CSMD1: variants seen among roughly 807,000 people sequenced by gnomAD.
CSMD1 encodes CUB and Sushi multiple domains 1.
CSMD1 carries 213 observed loss-of-function variants against 417.5 expected under a neutral mutation model. The observed-to-expected ratio is 0.51, with a 90% confidence interval of 0.46 to 0.57. The LOEUF is 0.57. Ranked by LOEUF, CSMD1 falls within the 20% of genes least tolerant of loss-of-function variation. The pLI, the probability that CSMD1 is intolerant of heterozygous loss-of-function variation, is 0.00. For missense variants in CSMD1, 6,923 were observed against 4,529.7 expected (o/e 1.53, Z -15.17); for synonymous variants, 2,862 against 1,736.8 (o/e 1.65, Z -16.11).
At chr8:3,483,884 A>G (rs909418330) in intron 11 of CSMD1, among the ~76,000 whole-genome samples, 1 of 152,220 alleles carries the variant, frequency 6.6e-6, no homozygotes, top group Non-Finnish European at 1.5e-5. Context: ...GGCTAAAGAA[A>G]GAACATGATA....
At chr8:4,180,903 T>G (rs1798334228) in intron 3 of CSMD1, among the ~76,000 whole-genome samples, 1 of 152,170 alleles carries the variant, frequency 6.6e-6, no homozygotes, top group African/African-American at 2.4e-5. Flanking sequence ...TTGGTATATT[T>G]ATTTCTAAAT....
At chr8:3,375,711 C>A (rs536370432) in intron 18 of CSMD1, among the ~76,000 whole-genome samples, 2 of 152,024 alleles carry the variant, frequency 1.3e-5, no homozygotes, top group Non-Finnish European at 2.9e-5. Flanking sequence ...GATGACCAGC[C>A]CCCATCTCAC....
chr8:3,267,361 C>G (rs938921398), intron 26 of CSMD1, among the ~76,000 whole-genome samples: 1 of 152,188 alleles, frequency 6.6e-6, no homozygotes, highest in African/African-American at 2.4e-5. Flanking sequence ...GGTGTTGATG[C>G]ATTGGAAGAT....
chr8:3,359,837 G>C (rs1262636595), intron 20 of CSMD1, among the ~76,000 whole-genome samples: 1 of 152,152 alleles, frequency 6.6e-6, no homozygotes, highest in African/African-American at 2.4e-5. Context: ...TTCTACTCAT[G>C]TATCAAAATA....
At chr8:3,317,978 T>C (rs1279293474) in intron 23 of CSMD1, among the ~76,000 whole-genome samples, 1 of 152,152 alleles carries the variant, frequency 6.6e-6, no homozygotes, top group Non-Finnish European at 1.5e-5. Flanking sequence ...GCCCAGCTAA[T>C]ATTTGTATCT....
intron 1 of CSMD1, among the ~76,000 whole-genome samples, chr8:4,834,236 G>A (rs1016062631): frequency 6.6e-6 from 1 of 152,162 alleles, no homozygotes; most frequent in Non-Finnish European, 1.5e-5. Flanking sequence ...GGAGAGGGAA[G>A]AAAAATATGT....
At chr8:3,640,670 T>C (rs972357275) in intron 7 of CSMD1, among the ~76,000 whole-genome samples, 1 of 152,204 alleles carries the variant, frequency 6.6e-6, no homozygotes, top group Non-Finnish European at 1.5e-5. Flanking sequence ...GTCGCTACAA[T>C]GTTTGATAAG....
At chr8:4,053,819 A>G (rs1194928809) in intron 3 of CSMD1, among the ~76,000 whole-genome samples, 1 of 152,172 alleles carries the variant, frequency 6.6e-6, no homozygotes, top group Non-Finnish European at 1.5e-5. Flanking sequence ...AAGCTTTACA[A>G]AAATGTTCAG....
intron 1 of CSMD1, among the ~76,000 whole-genome samples, chr8:4,895,088 C>A (rs1188731551): frequency 6.6e-6 from 1 of 152,116 alleles, no homozygotes; most frequent in Non-Finnish European, 1.5e-5. Flanking sequence ...AAATATGTTT[C>A]ACTCTCAGGA....
intron 2 of CSMD1, among the ~76,000 whole-genome samples, chr8:4,452,842 G>C (rs748905678): frequency 6.6e-6 from 1 of 152,014 alleles, no homozygotes; most frequent in Non-Finnish European, 1.5e-5. Flanking sequence ...AAAAACTAAA[G>C]GCAAAATGAG....
At chr8:4,378,537 T>G (rs1322126522) in intron 3 of CSMD1, among the ~76,000 whole-genome samples, 1 of 152,226 alleles carries the variant, frequency 6.6e-6, no homozygotes, top group Non-Finnish European at 1.5e-5. Flanking sequence ...GAAGTCACCG[T>G]GTGACCATTC....
intron 3 of CSMD1, among the ~76,000 whole-genome samples, chr8:4,176,181 G>C (rs924856562): frequency 2.6e-5 from 4 of 152,002 alleles, no homozygotes; most frequent in Non-Finnish European, 4.4e-5. Flanking sequence ...CAGAAGCCCT[G>C]CAGAACCACA....
intron 3 of CSMD1, among the ~76,000 whole-genome samples, chr8:4,305,363 G>C (rs565121100): frequency 5.3e-5 from 8 of 152,246 alleles, no homozygotes; most frequent in South Asian, 2.1e-4. Flanking sequence ...TGGAATCTAA[G>C]GGGCTTGCAG....
intron 3 of CSMD1, among the ~76,000 whole-genome samples, chr8:4,361,309 T>G (rs1006145454): frequency 3.9e-5 from 6 of 152,176 alleles, no homozygotes; most frequent in African/African-American, 9.7e-5. Context: ...AGAAACTTAT[T>G]TTTAAAATAT....
intron 50 of CSMD1, among the ~76,000 whole-genome samples, chr8:3,049,039 T>A (rs1585226008): frequency 6.6e-6 from 1 of 152,092 alleles, no homozygotes. Flanking sequence ...AAGATACTAC[T>A]GCACATCTAT....
chr8:3,421,227 A>G (rs1813468212), intron 12 of CSMD1, among the ~76,000 whole-genome samples: 1 of 152,226 alleles, frequency 6.6e-6, no homozygotes, highest in Non-Finnish European at 1.5e-5. Context: ...CAGAGTCATT[A>G]AAGTATAAAA....
At chr8:3,675,305 A>G (rs922819067) in intron 7 of CSMD1, among the ~76,000 whole-genome samples, 3 of 152,180 alleles carry the variant, frequency 2.0e-5, no homozygotes, top group African/African-American at 7.2e-5. Context: ...AGCACTATGC[A>G]CATCCTCACG....
At position 3,567,361 on chromosome 8, in the gene CSMD1, C is replaced by G. The variant is rs538877335; in HGVS notation, c.1344+7584G>C. 5.3e-5 allele frequency among the ~76,000 whole-genome samples: 8 copies of G among 151,828 alleles called. 1 individual carries two copies. The South Asian group carries it at 1.7e-3, about 32-fold the overall frequency. Reference sequence around the variant, plus strand: ...GGTGATGAATCTGTACAACAAACCACCATGGCACAAGTTTACCTATATAAC... The same window carrying G: ...GGTGATGAATCTGTACAACAAACCAGCATGGCACAAGTTTACCTATATAAC... On this transcript the variant is annotated intron_variant, in intron 10 of 69. Coordinates refer to ENST00000635120, the MANE Select transcript of CSMD1 (RefSeq NM_033225.6).
chr8:2,996,514 C>T (rs562850097), intron 54 of CSMD1, among the ~76,000 whole-genome samples: 3 of 152,290 alleles, frequency 2.0e-5, no homozygotes, highest in African/African-American at 7.2e-5. Context: ...CTGGAAGTAT[C>T]AGGCCTGTGC....
Sources: gnomAD v4.1 joint callset for allele counts (sites outside exome capture counted in the v4.1 genomes callset) on GRCh38, gnomAD v4.1.1 for gene constraint, MANE v1.5 for transcripts, NCBI Gene and HGNC (gene_info 2026-07-23, HGNC 2026-07-21) for gene names.